Variants in FARS2 observed in about 807,000 individuals in gnomAD.
FARS2 encodes phenylalanyl-tRNA synthetase 2, mitochondrial.
A neutral mutation model predicts 46.4 loss-of-function variants in FARS2; 40 were observed. The observed-to-expected ratio is 0.86, with a 90% CI of 0.67 to 1.12. The LOEUF (loss-of-function observed/expected upper bound fraction) is 1.12. Ranked by LOEUF, FARS2 falls within the 50% of genes most tolerant of loss-of-function variation. The pLI is 0.00. For synonymous variants in FARS2, 234 were observed against 214.9 expected, an observed-to-expected ratio of 1.09 and a Z score of -0.78; for missense variants, 513 against 567.9, an observed-to-expected ratio of 0.90 and a Z score of 0.98.
intron 5 of FARS2, among the ~76,000 whole-genome samples, chr6:5,572,305 G>A (rs182002850): frequency 2.6e-5 from 4 of 152,196 alleles, no homozygotes; most frequent in African/African-American, 4.8e-5. Context: ...GAGAGAGACA[G>A]TTGGGGGTGG....
intron 1 of FARS2, among the ~76,000 whole-genome samples, chr6:5,282,316 C>A (rs1306136254): frequency 6.6e-6 from 1 of 152,180 alleles, no homozygotes; most frequent in Non-Finnish European, 1.5e-5. Flanking sequence ...AGCAAGCAGG[C>A]ATGAGAGGCA....
intron 6 of FARS2, among the ~76,000 whole-genome samples, chr6:5,699,763 C>A (rs1377610154): frequency 6.6e-6 from 1 of 152,140 alleles, no homozygotes; most frequent in African/African-American, 2.4e-5. Flanking sequence ...AGCACTTATG[C>A]CTAGTACTGG....
chr6:5,334,672 A>G (rs1357016331), intron 1 of FARS2, among the ~76,000 whole-genome samples: 5 of 152,338 alleles, frequency 3.3e-5, no homozygotes, highest in Admixed American at 6.5e-5. Context: ...ATGGGCATGT[A>G]TACTTATACA....
At chr6:5,289,208 T>C (rs1767335936) in intron 1 of FARS2, among the ~76,000 whole-genome samples, 1 of 152,244 alleles carries the variant, frequency 6.6e-6, no homozygotes, top group Non-Finnish European at 1.5e-5. Flanking sequence ...TGAGTTTTAA[T>C]GCTTAGAAGT....
intron 5 of FARS2, among the ~76,000 whole-genome samples, chr6:5,590,098 T>C (rs1253307741): frequency 9.2e-5 from 14 of 152,238 alleles, no homozygotes; most frequent in African/African-American, 2.9e-4. Flanking sequence ...AGGTTCTCAG[T>C]TCAGTACCTG....
chr6:5,384,046 A>G (rs1759964949), intron 2 of FARS2, among the ~76,000 whole-genome samples: 1 of 152,190 alleles, frequency 6.6e-6, no homozygotes, highest in African/African-American at 2.4e-5. Context: ...GTTTTCTCCT[A>G]CTTTACATGG....
chr6:5,506,949 A>G (rs9405840), intron 4 of FARS2, among the ~76,000 whole-genome samples: 86,814 of 152,056 alleles, frequency 0.57, 25,067 homozygotes, highest in Non-Finnish European at 0.6. Flanking sequence ...TCCTGGATAC[A>G]TGTCTACTGT....
intron 4 of FARS2, among the ~76,000 whole-genome samples, chr6:5,449,365 AAG>A (rs1764356643): frequency 6.6e-6 from 1 of 150,922 alleles, no homozygotes. Context: ...AAAAAAAAAA[AAG>A]AAAAAAAAGA....
intron 6 of FARS2, among the ~76,000 whole-genome samples, chr6:5,716,068 A>G (rs942091600): frequency 6.6e-6 from 1 of 152,182 alleles, no homozygotes; most frequent in Non-Finnish European, 1.5e-5. Flanking sequence ...GGCCAGTAAT[A>G]TTGAGAGTTT....
intron 4 of FARS2, among the ~76,000 whole-genome samples, chr6:5,468,414 G>A (rs956543569): frequency 6.6e-6 from 1 of 151,648 alleles, no homozygotes; most frequent in African/African-American, 2.4e-5. Flanking sequence ...GAGAATTTGT[G>A]TGACGGTGAT....
At chr6:5,752,796 A>T (rs1762021560) in intron 6 of FARS2, among the ~76,000 whole-genome samples, 1 of 152,102 alleles carries the variant, frequency 6.6e-6, no homozygotes, top group Non-Finnish European at 1.5e-5. Context: ...GTTGCTCAGG[A>T]TTACACAGAT....
chr6:5,535,863 G>C (rs1354467235), intron 4 of FARS2, among the ~76,000 whole-genome samples: 1 of 151,960 alleles, frequency 6.6e-6, no homozygotes, highest in Non-Finnish European at 1.5e-5. Flanking sequence ...AGCCATTCTT[G>C]CTTGCACTCC....
chr6:5,450,510 T>C (rs1764425138), intron 4 of FARS2, among the ~76,000 whole-genome samples: 1 of 151,132 alleles, frequency 6.6e-6, no homozygotes, highest in South Asian at 2.1e-4. Context: ...ATCGGTGAAG[T>C]GTGGCCGGGT....
At chr6:5,312,966 C>G (rs1404760059) in intron 1 of FARS2, among the ~76,000 whole-genome samples, 2 of 152,074 alleles carry the variant, frequency 1.3e-5, no homozygotes, top group African/African-American at 4.8e-5. Context: ...GTATGAATTG[C>G]TGGAGAGCAC....
intron 1 of FARS2, among the ~76,000 whole-genome samples, chr6:5,325,223 C>T (rs972112408): frequency 2.6e-5 from 4 of 152,178 alleles, no homozygotes; most frequent in Admixed American, 2.6e-4. Flanking sequence ...ACTTTCTTTT[C>T]CTGAGTCAAA....
intron 6 of FARS2, among the ~76,000 whole-genome samples, chr6:5,698,946 G>C (rs972830654): frequency 3.9e-5 from 6 of 152,180 alleles, no homozygotes; most frequent in Admixed American, 1.3e-4. Flanking sequence ...CACCACCTGC[G>C]TGTCCTGCCA....
intron 5 of FARS2, among the ~76,000 whole-genome samples, chr6:5,598,192 G>A (rs1774310659): frequency 6.6e-6 from 1 of 152,064 alleles, no homozygotes; most frequent in Non-Finnish European, 1.5e-5. Context: ...TTCAAGATGA[G>A]GCTAGACAGC....
intron 1 of FARS2, among the ~76,000 whole-genome samples, chr6:5,275,046 C>A (rs1210082095): frequency 6.6e-6 from 1 of 152,214 alleles, no homozygotes; most frequent in Non-Finnish European, 1.5e-5. Flanking sequence ...TAAAATAGAA[C>A]TTCCCCGCTT....
intron 6 of FARS2, among the ~76,000 whole-genome samples, chr6:5,741,736 T>C (rs371012602): frequency 1.4e-4 from 21 of 152,302 alleles, no homozygotes; most frequent in African/African-American, 5.1e-4. Flanking sequence ...CTGCAACCTC[T>C]GCCTCCTGGG....
Sources: allele counts gnomAD v4.1 joint callset (sites outside exome capture counted in the v4.1 genomes callset), GRCh38; gene constraint gnomAD v4.1.1; transcripts MANE v1.5; gene names NCBI Gene and HGNC (gene_info 2026-07-23, HGNC 2026-07-21).